DPP6: variants seen among roughly 807,000 people sequenced by gnomAD.
The protein encoded by DPP6 is dipeptidyl peptidase like 6.
DPP6 carries 69 observed loss-of-function variants against 122.6 expected under a neutral mutation model. That is an observed-to-expected ratio of 0.56 (90% CI 0.46 to 0.69). The LOEUF is 0.69. Ranked by LOEUF, DPP6 falls within the 30% of genes least tolerant of loss-of-function variation. The probability of loss-of-function intolerance (pLI) is 0.00; values close to 1 mark genes in which losing one functional copy is unlikely to be tolerated. For missense variants in DPP6, 928 were observed against 1,116.9 expected (o/e 0.83, Z 2.41); for synonymous variants, 418 against 433.1 (o/e 0.97, Z 0.43).
At chr7:154,837,070 T>C (rs1019272678) in intron 16 of DPP6, among the ~76,000 whole-genome samples, 1 of 152,240 alleles carries the variant, frequency 6.6e-6, no homozygotes, top group Admixed American at 6.5e-5. Flanking sequence ...CACGTACACA[T>C]GCACTCACAC....
intron 1 of DPP6, among the ~76,000 whole-genome samples, chr7:154,111,628 TG>T (rs1806585071): frequency 6.8e-6 from 1 of 146,510 alleles, no homozygotes; most frequent in African/African-American, 2.6e-5. Flanking sequence ...TTCGTGTGTG[TG>T]TGTGTGTGTG....
chr7:153,759,283 T>C, the DPP6 span, among the ~76,000 whole-genome samples: 3 of 152,008 alleles, frequency 2.0e-5, no homozygotes, highest in Non-Finnish European at 4.4e-5. Flanking sequence ...ATTTGCAAAG[T>C]TTCTTCCAGT....
chr7:154,309,830 G>T (rs1423854797), intron 1 of DPP6, among the ~76,000 whole-genome samples: 1 of 152,230 alleles, frequency 6.6e-6, no homozygotes, highest in Non-Finnish European at 1.5e-5. Context: ...AAAAGGGCAT[G>T]GGGTGGGGTT....
chr7:154,006,338 G>T (rs949555939), intron 1 of DPP6, among the ~76,000 whole-genome samples: 2 of 151,774 alleles, frequency 1.3e-5, no homozygotes, highest in Non-Finnish European at 2.9e-5. Flanking sequence ...CTATCTGCTC[G>T]CATTGAGATG....
At chr7:154,691,040 C>T (rs563515662) in intron 7 of DPP6, among the ~76,000 whole-genome samples, 1 of 152,288 alleles carries the variant, frequency 6.6e-6, no homozygotes, top group African/African-American at 2.4e-5. Context: ...AAAGGTTTCC[C>T]TCTTAGGATC....
chr7:154,281,027 T>TTTATTTATTTA (rs1363633873), intron 1 of DPP6, among the ~76,000 whole-genome samples: 1 of 85,962 alleles, frequency 1.2e-5, no homozygotes, highest in Non-Finnish European at 2.3e-5. Context: ...TTATTTATTT[T>TTTATTTATTTA]TTGGAGACAG....
At chr7:154,531,840 C>T (rs552442237) in intron 3 of DPP6, among the ~76,000 whole-genome samples, 2 of 152,152 alleles carry the variant, frequency 1.3e-5, no homozygotes, top group East Asian at 3.9e-4. Context: ...TTAACTGCTT[C>T]TGGACTTTGA....
At chr7:154,362,917 T>A (rs569814140) in intron 1 of DPP6, among the ~76,000 whole-genome samples, 1 of 152,322 alleles carries the variant, frequency 6.6e-6, no homozygotes, top group East Asian at 1.9e-4. Context: ...TCTTCGTCCC[T>A]GCACCAACCA....
intron 1 of DPP6, among the ~76,000 whole-genome samples, chr7:154,312,485 C>A (rs886438524): frequency 3.3e-5 from 5 of 152,206 alleles, no homozygotes; most frequent in Non-Finnish European, 7.3e-5. Flanking sequence ...AATTTAACTT[C>A]CCCTGCCAGA....
intron 1 of DPP6, among the ~76,000 whole-genome samples, chr7:154,240,104 A>G (rs1480191672): frequency 6.7e-6 from 1 of 149,840 alleles, no homozygotes; most frequent in South Asian, 2.1e-4. Context: ...TGCATTGTTC[A>G]AGAACTAATT....
At chr7:154,604,577 T>G (rs1161261051) in intron 5 of DPP6, among the ~76,000 whole-genome samples, 1 of 121,156 alleles carries the variant, frequency 8.3e-6, no homozygotes, top group African/African-American at 2.6e-5. Flanking sequence ...TTTTAAGTCT[T>G]CTAATAAAAT....
At chr7:154,396,838 A>T (rs1452973112) in intron 1 of DPP6, among the ~76,000 whole-genome samples, 1 of 152,188 alleles carries the variant, frequency 6.6e-6, no homozygotes. Flanking sequence ...CCAGCTACTC[A>T]GGAGGCCAAG....
chr7:154,352,675 G>A (rs191102537), intron 1 of DPP6, among the ~76,000 whole-genome samples: 2 of 151,960 alleles, frequency 1.3e-5, no homozygotes, highest in South Asian at 4.2e-4. Context: ...GGGCCTATTG[G>A]GGGGTGTGGG....
chr7:153,970,429 T>C (rs1443644011), intron 1 of DPP6, among the ~76,000 whole-genome samples: 1 of 152,212 alleles, frequency 6.6e-6, no homozygotes, highest in Admixed American at 6.5e-5. Flanking sequence ...TATTCCAATA[T>C]GTGGCTTGCT....
intron 16 of DPP6, among the ~76,000 whole-genome samples, chr7:154,812,944 G>A (rs964488255): frequency 1.3e-5 from 2 of 151,690 alleles, no homozygotes; most frequent in African/African-American, 4.8e-5. Flanking sequence ...TTTGACATTT[G>A]TATGCTTATA....
intron 5 of DPP6, among the ~76,000 whole-genome samples, chr7:154,593,620 C>T (rs1832926936): frequency 6.6e-6 from 1 of 152,206 alleles, no homozygotes; most frequent in African/African-American, 2.4e-5. Context: ...AAAAATGCAT[C>T]ACGTACTCAG....
the DPP6 span, among the ~76,000 whole-genome samples, chr7:153,832,067 G>A: frequency 6.6e-6 from 1 of 152,128 alleles, no homozygotes; most frequent in African/African-American, 2.4e-5. Flanking sequence ...AGGGTGGTGG[G>A]GGTTTCAACC....
rs1476526258 is a variant in DPP6, at chr7:154,498,306, A to G, written c.457+23269A>G. Among the ~76,000 whole-genome samples the G allele has an allele frequency of 2.6e-5, 4 of 152,210 alleles. No homozygotes were observed. In the East Asian group the frequency reaches 5.8e-4, roughly 22 times the overall value. On this transcript the variant is annotated intron_variant, in intron 3 of 25. Transcript: ENST00000377770. ...AATACGCAATGAATTTTCCTCACAT[A>G]CAAGCAATCAGAGATAGACCATCTT...
intron 1 of DPP6, among the ~76,000 whole-genome samples, chr7:154,034,045 G>A (rs564661906): frequency 5.9e-5 from 9 of 152,266 alleles, no homozygotes; most frequent in Admixed American, 2.6e-4. Context: ...TGTGAACGAC[G>A]TGAATGCCAC....
Sources: gnomAD v4.1 joint callset for allele counts (sites outside exome capture counted in the v4.1 genomes callset) on GRCh38, gnomAD v4.1.1 for gene constraint, MANE v1.5 for transcripts, NCBI Gene and HGNC (gene_info 2026-07-23, HGNC 2026-07-21) for gene names.